RAPGEF1: variants seen among roughly 807,000 people sequenced by gnomAD.
RAPGEF1 encodes Rap guanine nucleotide exchange factor 1.
A neutral mutation model predicts 143.3 loss-of-function variants in RAPGEF1; 33 were observed. The observed-to-expected ratio is 0.23, with a 90% CI of 0.17 to 0.31. The LOEUF (loss-of-function observed/expected upper bound fraction) is 0.31. Among genes scored for constraint, RAPGEF1 ranks in the 10% least tolerant of loss-of-function variants. The pLI, the probability that RAPGEF1 is intolerant of heterozygous loss-of-function variation, is 1.00. For missense variants in RAPGEF1, 1,199 were observed against 1,645.4 expected (o/e 0.73, Z 4.69); for synonymous variants, 629 against 676.5 (o/e 0.93, Z 1.09).
Position 131,588,011 on chromosome 9 carries a change from G to A in RAPGEF1, c.3069C>T (p.His1023=), listed in dbSNP as rs1340734067. Residue 1023 remains histidine (H), a synonymous_variant, in exon 21 of 27, where the codon CAC becomes CAT. Transcript: ENST00000683357. ...CCGCTATCTCATGGCTGTGAAAGTC[G>A]TGCAAGGTCCCCGGCCTGGAAGACA... ...RGVAARPGTL[H]DFHSHEIAEQ... is the part of the protein sequence containing the mutation. 29 of 1,612,612 alleles carry A rather than the reference G, an allele frequency of 1.8e-5. No individual in the cohort carries two copies. Among genetic ancestry groups the A allele is most frequent in the Non-Finnish European group, 2.2e-5 (26 of 1,179,622 alleles).
chr9:131,654,854 G>T (rs1474103511), intron 1 of RAPGEF1, among the ~76,000 whole-genome samples: 1 of 152,174 alleles, frequency 6.6e-6, no homozygotes, highest in Non-Finnish European at 1.5e-5. Context: ...CCAGGAAGAA[G>T]ACTGCTTCTT....
rs146933180 is a variant in RAPGEF1, at chr9:131,738,687, A to G, written c.61+1083T>C. ...AAAAATTTAAGAAGCAATGCATTTT[A>G]GGTGCTAAGAGTTAGATATATAGTA... On this transcript the variant is annotated intron_variant, in intron 1 of 26. Transcript: ENST00000683357. Among the ~76,000 whole-genome samples the G allele has an allele frequency of 4.1e-3, 618 of 152,338 alleles. 4 individuals are homozygous for G. The highest frequency in any genetic ancestry group is 0.014 in the Middle Eastern group (4 of 294).
chr9:131,586,257 A>AC (rs1952745410), intron 22 of RAPGEF1, among the ~76,000 whole-genome samples: 11 of 91,422 alleles, frequency 1.2e-4, no homozygotes, highest in African/African-American at 3.0e-4. Flanking sequence ...CTCTGTCTCA[A>AC]ACACACACAC....
chr9:131,739,573 G>T (rs1480842821), intron 1 of RAPGEF1, among the ~76,000 whole-genome samples, 197 bp downstream of exon 1: 1 of 150,086 alleles, frequency 6.7e-6, no homozygotes, highest in South Asian at 2.1e-4. Flanking sequence ...CCCCGCAGCG[G>T]CCGCTTCCCC....
At chr9:131,739,726 G>T in intron 1 of RAPGEF1, 44 bp downstream of exon 1, 1 of 1,086,764 alleles carries the variant, frequency 9.2e-7, no homozygotes, top group Non-Finnish European at 1.1e-6. Flanking sequence ...GGAGCCCCAG[G>T]GCCGGGCCCG....
intron 18 of RAPGEF1, among the ~76,000 whole-genome samples, 198 bp from the exon 19 acceptor site, chr9:131,590,176 C>T (rs1423231515): frequency 6.6e-6 from 1 of 152,148 alleles, no homozygotes; most frequent in East Asian, 1.9e-4. Context: ...AGGCGTCTGT[C>T]CCCAGGGATG....
intron 13 of RAPGEF1, among the ~76,000 whole-genome samples, chr9:131,604,315 C>T (rs1002885008): frequency 9.2e-5 from 14 of 152,188 alleles, no homozygotes; most frequent in African/African-American, 2.4e-4. Context: ...TGGCGGGAAA[C>T]GATTATGGAG....
At chr9:131,588,161 A>T in intron 20 of RAPGEF1, 135 bp from the exon 21 acceptor site, 1 of 732,438 alleles carries the variant, frequency 1.4e-6, no homozygotes, top group African/African-American at 1.8e-5. Flanking sequence ...CAGGGCGGGG[A>T]AGCCCCAAAA....
In RAPGEF1 at chr9:131,584,780, T is replaced by C. The variant is rs1270619481; in HGVS notation, c.3234-184A>G. Among the ~76,000 whole-genome samples, 1 of 152,168 alleles carries C rather than the reference T, an allele frequency of 6.6e-6. No individual in the cohort carries two copies. Among genetic ancestry groups the C allele is most frequent in the Non-Finnish European group, 1.5e-5 (1 of 68,028 alleles). Reference sequence around the variant, plus strand: ...TGCTCTCCAGGAGCTCATAACATCCTGGGACAGAGGCACAAGGAAATCTGG... The same window carrying C: ...TGCTCTCCAGGAGCTCATAACATCCCGGGACAGAGGCACAAGGAAATCTGG... On this transcript the variant is annotated intron_variant, in intron 22 of 26. Coordinates refer to ENST00000683357, the MANE Select transcript of RAPGEF1 (RefSeq NM_001377935.1). The surrounding 1 kb of genome is among the most constrained non-coding windows in gnomAD (Gnocchi z 6.8).
intron 1 of RAPGEF1, among the ~76,000 whole-genome samples, chr9:131,718,424 G>A (rs1439502702): frequency 1.3e-5 from 2 of 152,224 alleles, no homozygotes; most frequent in East Asian, 3.8e-4. Flanking sequence ...AATGCAGAAT[G>A]AATGGCTGTG....
intron 1 of RAPGEF1, among the ~76,000 whole-genome samples, chr9:131,658,221 C>T (rs1973050515): frequency 6.6e-6 from 1 of 152,214 alleles, no homozygotes; most frequent in Admixed American, 6.5e-5. Flanking sequence ...GTGGCTATGC[C>T]ACTTTACAGT....
At chr9:131,679,774 T>C (rs1832754322) in intron 1 of RAPGEF1, among the ~76,000 whole-genome samples, 1 of 152,184 alleles carries the variant, frequency 6.6e-6, no homozygotes, top group African/African-American at 2.4e-5. Context: ...CTTGGAGCTG[T>C]AGGACTAAGG....
chr9:131,592,376 C>T (rs997712009), intron 17 of RAPGEF1, among the ~76,000 whole-genome samples, 193 bp from the exon 18 acceptor site: 1 of 152,158 alleles, frequency 6.6e-6, no homozygotes, highest in African/African-American at 2.4e-5. Context: ...GTCACACGTC[C>T]TCTCTGTCCA....
intron 1 of RAPGEF1, among the ~76,000 whole-genome samples, chr9:131,708,314 C>T (rs1260481868): frequency 6.6e-6 from 1 of 152,216 alleles, no homozygotes; most frequent in Non-Finnish European, 1.5e-5. Context: ...CTGGTGAAGT[C>T]TCGCATATGT....
chr9:131,580,401 C>T lies in RAPGEF1; in HGVS notation c.3513-10G>A, dbSNP rs769301047. The T allele has an allele frequency of 1.1e-5, 17 of 1,611,852 alleles. No individual in the cohort carries two copies. Among genetic ancestry groups the T allele is most frequent in the African/African-American group, 9.3e-5 (7 of 74,904 alleles). ...CTGCAGGATCAGCCCCCTGGGAGGA[C>T]GGGTTAGGCAGCCTGTTACTGCTAC... On this transcript the variant is annotated splice_polypyrimidine_tract_variant and intron_variant, in intron 25 of 26. Transcript: ENST00000683357.
chr9:131,694,541 C>T (rs992506265), intron 1 of RAPGEF1, among the ~76,000 whole-genome samples: 2 of 152,188 alleles, frequency 1.3e-5, no homozygotes, highest in African/African-American at 2.4e-5. Context: ...GGCACGCTCT[C>T]GCTCACTCTG....
rs1959895069 is a variant in RAPGEF1 at position 131,619,107 on chromosome 9, T to C, written c.2005A>G (p.Ser669Gly). The C allele has an allele frequency of 1.5e-6, 2 of 1,351,352 alleles. No individual in the cohort carries two copies. Among genetic ancestry groups the C allele is most frequent in the South Asian group, 1.2e-5 (1 of 85,034 alleles). The allele number at this position is 1,351,352 out of a possible 1,614,324, so 83.7% of individuals were successfully genotyped here. The stretch of plus-strand genomic sequence containing the variant: ...AGAAAGGAGTTAGAGACGGACACAC[T>C]GAGGCCCTGAGCGGCACTGCCGTCC... ...PEDGSAAQGLSVSVSNSFLSR... is the reference protein window; with the variant it reads ...PEDGSAAQGLGVSVSNSFLSR... Residue 669 changes from serine (S) to glycine (G), a missense_variant, in exon 12 of 27, where the codon AGT becomes GGT. Around this residue, in one of 6 missense-constraint regions of RAPGEF1, gnomAD observed 293 missense variants for 356.2 expected, o/e 0.82. Transcript: ENST00000683357.
intron 12 of RAPGEF1, among the ~76,000 whole-genome samples, chr9:131,614,881 A>G (rs1252913518): frequency 6.6e-6 from 1 of 151,896 alleles, no homozygotes; most frequent in Non-Finnish European, 1.5e-5. Flanking sequence ...AGGCATTTCA[A>G]TATAACTTCT....
rs779241110 is a variant in RAPGEF1 at position 131,580,364 on chromosome 9, G to A, written c.3540C>T (p.Phe1180=). ...TGTAGTCTGGGTTTCCCAGGTGAAC[G>A]AAGGTCAGGTCCTGCAGGATCAGCC... ...YLGLILQDLT[F]VHLGNPDYID... Residue 1180 remains phenylalanine, a synonymous_variant, in exon 26 of 27, where the codon TTC becomes TTT. Coordinates refer to ENST00000683357, the MANE Select transcript of RAPGEF1 (RefSeq NM_001377935.1). The A allele has an allele frequency of 3.5e-5, 57 of 1,613,728 alleles. 1 individual carries two copies. The South Asian group carries it at 5.1e-4, about 14-fold the overall frequency.
Sources: allele counts gnomAD v4.1 joint callset (sites outside exome capture counted in the v4.1 genomes callset), GRCh38; gene constraint gnomAD v4.1.1; regional missense constraint gnomAD v4.1.1; non-coding constraint Gnocchi (gnomAD v3.1); transcripts MANE v1.5; gene names NCBI Gene and HGNC (gene_info 2026-07-23, HGNC 2026-07-21).